NCKAP5: variants seen among roughly 807,000 people sequenced by gnomAD.
The protein encoded by NCKAP5 is nck-associated protein 5.
Under a neutral mutation model 167.0 loss-of-function variants are expected in NCKAP5, and 92 were observed. The ratio of observed to expected loss-of-function variants is 0.55; its 90% CI spans 0.47 to 0.66. The LOEUF (loss-of-function observed/expected upper bound fraction) is 0.66, where lower values mean the gene tolerates loss of function less well. Among genes scored for constraint, NCKAP5 ranks in the 30% least tolerant of loss-of-function variants. The pLI is 0.00. For missense variants in NCKAP5, 2,378 were observed against 2,315.0 expected, an observed-to-expected ratio of 1.03 and a Z score of -0.56; for synonymous variants, 891 against 877.4, an observed-to-expected ratio of 1.02 and a Z score of -0.27.
chr2:133,436,211 T>C (rs1331664507), intron 3 of NCKAP5, among the ~76,000 whole-genome samples: 1 of 152,182 alleles, frequency 6.6e-6, no homozygotes, highest in Non-Finnish European at 1.5e-5. Flanking sequence ...GCAAGGATTC[T>C]CAGTTCTGGC....
chr2:132,765,206 C>G (rs182095553), intron 16 of NCKAP5, among the ~76,000 whole-genome samples: 2 of 151,958 alleles, frequency 1.3e-5, no homozygotes, highest in African/African-American at 4.8e-5. Flanking sequence ...GAGCAGTGAT[C>G]GTTCAAATTA....
At chr2:132,863,304 A>G (rs1392162806) in intron 10 of NCKAP5, among the ~76,000 whole-genome samples, 2 of 152,176 alleles carry the variant, frequency 1.3e-5, no homozygotes, top group Admixed American at 6.5e-5. Context: ...ATGGGAAAAC[A>G]CAATCATCCT....
chr2:133,025,832 A>T (rs1378891241), intron 6 of NCKAP5, among the ~76,000 whole-genome samples: 3 of 152,192 alleles, frequency 2.0e-5, no homozygotes, highest in Admixed American at 6.5e-5. Context: ...ATTTTAAAAA[A>T]TTTTTAAGAT....
chr2:133,225,553 C>G (rs922344553), intron 4 of NCKAP5, among the ~76,000 whole-genome samples: 1 of 152,056 alleles, frequency 6.6e-6, no homozygotes, highest in Non-Finnish European at 1.5e-5. Context: ...TAAAACATTC[C>G]TTCATTTGTG....
chr2:133,042,841 C>A (rs550039727), intron 6 of NCKAP5, among the ~76,000 whole-genome samples: 1 of 152,290 alleles, frequency 6.6e-6, no homozygotes, highest in Admixed American at 6.5e-5. Context: ...CTCTCTATTT[C>A]ATCTTGTGTC....
chr2:132,932,405 C>T (rs569981251), intron 8 of NCKAP5, among the ~76,000 whole-genome samples: 2 of 152,168 alleles, frequency 1.3e-5, no homozygotes, highest in African/African-American at 4.8e-5. Flanking sequence ...CAAGAGTAAG[C>T]ATCAAGTTAG....
At position 133,275,628 on chromosome 2, in the gene NCKAP5, C is replaced by T. The variant is rs186095704; in HGVS notation, c.143+27409G>A. 2.6e-4 allele frequency among the ~76,000 whole-genome samples: 39 copies of T among 151,992 alleles called. 1 individual carries two copies. The South Asian group carries it at 6.6e-3, about 26-fold the overall frequency. ...TCTGAAAAATGACAGTGAAAACTAC[C>T]GGATGCATTTACAGCAGTGGTTACA... On this transcript the variant is annotated intron_variant, in intron 4 of 19. Coordinates refer to ENST00000409261, the MANE Select transcript of NCKAP5 (RefSeq NM_207363.3).
At chr2:132,977,087 C>A (rs964352171) in intron 7 of NCKAP5, among the ~76,000 whole-genome samples, 2 of 152,116 alleles carry the variant, frequency 1.3e-5, no homozygotes, top group Non-Finnish European at 2.9e-5. Flanking sequence ...ATACTGTATG[C>A]AATTCAACAG....
At chr2:133,035,161 G>C (rs1278470204) in intron 6 of NCKAP5, among the ~76,000 whole-genome samples, 1 of 151,868 alleles carries the variant, frequency 6.6e-6, no homozygotes, top group Non-Finnish European at 1.5e-5. Context: ...TTTACAAAGA[G>C]ACAAAAAAGT....
chr2:133,197,635 G>T (rs370938763), intron 5 of NCKAP5, among the ~76,000 whole-genome samples: 10 of 152,106 alleles, frequency 6.6e-5, no homozygotes, highest in Admixed American at 1.3e-4. Flanking sequence ...TTTAAAGAAC[G>T]AAATATAACC....
rs777220052 is a variant in NCKAP5 at position 132,782,226 on chromosome 2, T to C, written c.4585A>G (p.Lys1529Glu). The change falls in exon 14 of 20, where the codon AAA becomes GAA. Residue 1529 changes from lysine (K) to glutamate (E), a missense_variant. Physicochemically the swap from Lys to Glu is moderately conservative, Grantham distance 56 (BLOSUM62 1). Around this residue, in one of 3 missense-constraint regions of NCKAP5, gnomAD observed 1,325 missense variants for 1,274.5 expected, o/e 1.04. Transcript: ENST00000409261. ...ALSSRKMDISKTKVEKKDAKV... is the reference protein window; with the variant it reads ...ALSSRKMDISETKVEKKDAKV... ...GCATCTTTCTTTTCTACTTTGGTTT[T>C]GGAGATGTCCATTTTCCTGCTACTC... is the stretch of plus-strand genomic sequence containing the variant. 9.9e-6 allele frequency: 16 copies of C among 1,614,014 alleles called. No individual in the cohort carries two copies. The South Asian group carries it at 1.3e-4, about 13-fold the overall frequency.
At chr2:133,598,437 T>G in the NCKAP5 span, among the ~76,000 whole-genome samples, 3 of 152,336 alleles carry the variant, frequency 2.0e-5, no homozygotes, top group South Asian at 6.2e-4. Flanking sequence ...CACACAACTC[T>G]GAGAATGATC....
chr2:133,245,896 G>GA (rs771074749), intron 4 of NCKAP5, among the ~76,000 whole-genome samples: 195 of 60,154 alleles, frequency 3.2e-3, no homozygotes, highest in Middle Eastern at 8.8e-3. Flanking sequence ...ATTTGATCAG[G>GA]AAAAAAAAAA....
At chr2:133,347,964 A>G (rs1684091284) in intron 3 of NCKAP5, among the ~76,000 whole-genome samples, 5 of 152,240 alleles carry the variant, frequency 3.3e-5, no homozygotes, top group Admixed American at 3.3e-4. Context: ...ACAAACCTTG[A>G]GCTCTGTGGC....
chr2:132,952,607 A>G (rs1166635161), intron 8 of NCKAP5, among the ~76,000 whole-genome samples: 1 of 152,242 alleles, frequency 6.6e-6, no homozygotes, highest in African/African-American at 2.4e-5. Flanking sequence ...AGATGCTAAT[A>G]AAACCCAAGG....
intron 8 of NCKAP5, among the ~76,000 whole-genome samples, chr2:132,925,135 G>C (rs1695754169): frequency 6.6e-6 from 1 of 152,052 alleles, no homozygotes; most frequent in African/African-American, 2.4e-5. Flanking sequence ...ACTTTGTTGG[G>C]GGGTGGGGAA....
intron 19 of NCKAP5, among the ~76,000 whole-genome samples, chr2:132,705,999 T>C (rs1200166963): frequency 6.6e-6 from 1 of 152,090 alleles, no homozygotes; most frequent in East Asian, 1.9e-4. Flanking sequence ...AGCATATACA[T>C]GGAGACATAT....
At chr2:133,510,511 A>G (rs988649450) in intron 3 of NCKAP5, among the ~76,000 whole-genome samples, 5 of 151,980 alleles carry the variant, frequency 3.3e-5, no homozygotes, top group Admixed American at 3.3e-4. Flanking sequence ...CCTACATTCT[A>G]CATTCCTTAT....
chr2:133,368,360 T>G (rs1685584044), intron 3 of NCKAP5, among the ~76,000 whole-genome samples: 1 of 152,240 alleles, frequency 6.6e-6, no homozygotes. Flanking sequence ...ATGTTAACAG[T>G]GCTTAATTTC....
Sources: allele counts gnomAD v4.1 joint callset (sites outside exome capture counted in the v4.1 genomes callset), GRCh38; gene constraint gnomAD v4.1.1; regional missense constraint gnomAD v4.1.1; transcripts MANE v1.5; gene names NCBI Gene and HGNC (gene_info 2026-07-23, HGNC 2026-07-21).